The following DNAH6 variants were observed in gnomAD, a reference collection of about 807,000 sequenced individuals.
DNAH6 encodes dynein axonemal heavy chain 6, also known as axonemal beta dynein heavy chain 6.
Under a neutral mutation model 491.4 loss-of-function variants are expected in DNAH6, and 340 were observed. The ratio of observed to expected loss-of-function variants is 0.69; its 90% CI spans 0.63 to 0.76. DNAH6 has a LOEUF of 0.76. Among genes scored for constraint, DNAH6 ranks in the 30% least tolerant of loss-of-function variants. The pLI is 0.00. For synonymous variants in DNAH6, 1,603 were observed against 1,686.1 expected, an observed-to-expected ratio of 0.95 and a Z score of 1.21; for missense variants, 4,443 against 4,972.2, an observed-to-expected ratio of 0.89 and a Z score of 3.20.
In DNAH6 at chr2:84,636,463, C is replaced by A. The variant is rs562498522; in HGVS notation, c.4654-747C>A. On this transcript the variant is annotated intron_variant, in intron 30 of 76. Transcript: ENST00000389394. Reference sequence around the variant, plus strand: ...GTGTTGCACTGTGTGGTCATGGTTTCCAGGTTGATTGCAGACAGCAAGCCT... The same window carrying A: ...GTGTTGCACTGTGTGGTCATGGTTTACAGGTTGATTGCAGACAGCAAGCCT... 2.0e-5 allele frequency among the ~76,000 whole-genome samples: 3 copies of A among 152,292 alleles called. No homozygotes were observed. The South Asian group carries it at 6.2e-4, about 32-fold the overall frequency.
chr2:84,658,878 C>T (rs554334162), intron 36 of DNAH6, 148 bp from the exon 37 acceptor site: 22 of 487,224 alleles, frequency 4.5e-5, no homozygotes, highest in African/African-American at 4.0e-4. Flanking sequence ...CTCTGTGAAC[C>T]ATTGAGTGAA....
intron 43 of DNAH6, among the ~76,000 whole-genome samples, chr2:84,686,118 G>A (rs888691674): frequency 3.3e-5 from 5 of 151,880 alleles, no homozygotes; most frequent in African/African-American, 7.3e-5. Flanking sequence ...AACCCAGGAG[G>A]CGGAGGTTGC....
intron 11 of DNAH6, among the ~76,000 whole-genome samples, chr2:84,559,586 T>C (rs1367089233): frequency 6.6e-6 from 1 of 152,154 alleles, no homozygotes; most frequent in Non-Finnish European, 1.5e-5. Flanking sequence ...CCAACTCTTT[T>C]CCTGTTACCA....
chr2:84,668,858 ATG>A (rs1692442531), intron 37 of DNAH6, among the ~76,000 whole-genome samples: 1 of 33,396 alleles, frequency 3.0e-5, no homozygotes, highest in Non-Finnish European at 8.1e-5. Context: ...GTGTGTGTGT[ATG>A]ATTGTAATAA....
chr2:84,515,313 T>C (rs1675517947), upstream of DNAH6, among the ~76,000 whole-genome samples: 1 of 152,202 alleles, frequency 6.6e-6, no homozygotes, highest in South Asian at 2.1e-4. Context: ...AGTTTCTCAT[T>C]AGGGATTGGG....
intron 33 of DNAH6, among the ~76,000 whole-genome samples, 175 bp downstream of exon 33, chr2:84,642,229 A>G (rs1430349915): frequency 6.6e-6 from 1 of 152,240 alleles, no homozygotes; most frequent in Non-Finnish European, 1.5e-5. Flanking sequence ...AAGTTTGGGC[A>G]TAATTACAAT....
At chr2:84,589,232 T>G in intron 16 of DNAH6, among the ~76,000 whole-genome samples, 1 of 152,228 alleles carries the variant, frequency 6.6e-6, no homozygotes, top group Non-Finnish European at 1.5e-5. Flanking sequence ...TATGTTAAAA[T>G]GTAAGTGGAT....
Position 84,812,521 on chromosome 2 carries a change from G to A in DNAH6, c.11920G>A (p.Val3974Met). The change falls in exon 73 of 77, where the codon GTG becomes ATG. Residue 3974 changes from valine (V) to methionine (M), a missense_variant. This residue lies in a region of DNAH6 where 1,463 missense variants were observed against 1,656.6 expected (regional missense o/e 0.88). Transcript: ENST00000389394. ...VKDLILRTSF[V>M]DLWLKRGQPK... ...AGACCTTATCCTGAGGACCTCATTT[G>A]TGGATGTAAGAAAATTCCTTTCACT... is the stretch of plus-strand genomic sequence containing the variant. The A allele has an allele frequency of 6.5e-7, 1 of 1,546,424 alleles. No homozygotes were observed. Among genetic ancestry groups the A allele is most frequent in the Non-Finnish European group, 8.7e-7 (1 of 1,145,496 alleles).
intron 62 of DNAH6, 33 bp from the exon 63 acceptor site, chr2:84,745,046 TA>T: frequency 7.5e-7 from 1 of 1,333,058 alleles, no homozygotes; most frequent in Non-Finnish European, 1.0e-6. Context: ...AAAACAAATC[TA>T]ATTAAATTAT....
In DNAH6 at chr2:84,701,286, C is replaced by T. The variant is rs1558930490; in HGVS notation, c.8008C>T (p.Leu2670Phe). ...CACGACACCCACCTCCTACCTGGAG[C>T]TTATCAATCTTTACCTGTCTATGCT... ...YYTTPTSYLE[L>F]INLYLSMLSE... Residue 2670 changes from leucine to phenylalanine, a missense_variant, in exon 49 of 77, where the codon CTT becomes TTT. Physicochemically the swap from Leu to Phe is conservative, Grantham distance 22. Around this residue, in one of 3 missense-constraint regions of DNAH6, gnomAD observed 2,977 missense variants for 3,296.6 expected, o/e 0.90. Coordinates refer to ENST00000389394, the MANE Select transcript of DNAH6 (RefSeq NM_001370.2). 5 of 1,551,862 alleles carry T rather than the reference C, an allele frequency of 3.2e-6. No homozygotes were observed. In the Admixed American group the frequency reaches 7.8e-5, roughly 24 times the overall value.
At chr2:84,690,163 GT>G (rs139716650) in intron 45 of DNAH6, among the ~76,000 whole-genome samples, 5,620 of 152,216 alleles carry the variant, frequency 0.037, 117 homozygotes, top group Middle Eastern at 0.088. Context: ...CATGGCTTTG[GT>G]TTTTTTCCTG....
chr2:84,503,445 T>TA, the DNAH6 span, among the ~76,000 whole-genome samples: 2 of 152,162 alleles, frequency 1.3e-5, no homozygotes, highest in Non-Finnish European at 2.9e-5. Flanking sequence ...ACACCACAGT[T>TA]ACAGTGTTAT....
intron 8 of DNAH6, among the ~76,000 whole-genome samples, 162 bp from the exon 9 acceptor site, chr2:84,549,727 A>T (rs891618238): frequency 6.6e-6 from 1 of 152,162 alleles, no homozygotes; most frequent in East Asian, 1.9e-4. Flanking sequence ...TCTAAGGACA[A>T]CTCTTCTGGA....
chr2:84,529,666 A>G (rs935194974), intron 4 of DNAH6, among the ~76,000 whole-genome samples: 1 of 152,208 alleles, frequency 6.6e-6, no homozygotes, highest in Non-Finnish European at 1.5e-5. Flanking sequence ...ATTGGAAGTC[A>G]CATAATTGTG....
At chr2:84,778,082 T>A in intron 64 of DNAH6, 1 of 873,986 alleles carries the variant, frequency 1.1e-6, no homozygotes, top group Non-Finnish European at 2.0e-6. Context: ...CTTCAGTTTA[T>A]CTTCCAGTTA....
chr2:84,548,807 C>T (rs145156833), intron 8 of DNAH6, among the ~76,000 whole-genome samples: 1 of 152,188 alleles, frequency 6.6e-6, no homozygotes, highest in Admixed American at 6.5e-5. Flanking sequence ...AGGCCAAGAG[C>T]TCCTCTTTGA....
At chr2:84,471,065 G>A in the DNAH6 span, among the ~76,000 whole-genome samples, 1 of 152,144 alleles carries the variant, frequency 6.6e-6, no homozygotes, top group East Asian at 1.9e-4. Flanking sequence ...AGGAGCCTGG[G>A]AGGGCTAGAA....
rs1695496551 is a variant in DNAH6, at chr2:84,697,434, A to G, written c.7525-141A>G. 20 of 905,356 alleles carry G rather than the reference A, an allele frequency of 2.2e-5. No individual in the cohort carries two copies. The South Asian group carries it at 3.7e-4, about 17-fold the overall frequency. 56.1% of individuals were successfully genotyped at this position (905,356 alleles called of 1,614,324 possible). On this transcript the variant is annotated intron_variant, in intron 46 of 76. Coordinates refer to ENST00000389394, the MANE Select transcript of DNAH6 (RefSeq NM_001370.2). Reference sequence around the variant, plus strand: ...AAATCAGTGTACTTGCTATGTTAGAACTTCAGGGTTCCATGAAATTTTTAA... The same window carrying G: ...AAATCAGTGTACTTGCTATGTTAGAGCTTCAGGGTTCCATGAAATTTTTAA...
chr2:84,742,656 C>A (rs974937650), intron 62 of DNAH6, among the ~76,000 whole-genome samples: 2 of 152,078 alleles, frequency 1.3e-5, no homozygotes, highest in Admixed American at 1.3e-4. Context: ...CCAGCTTTTT[C>A]TTTGCTTCCT....
Sources: gnomAD v4.1 joint callset for allele counts (sites outside exome capture counted in the v4.1 genomes callset) on GRCh38, gnomAD v4.1.1 for gene constraint, gnomAD v4.1.1 regional missense constraint, MANE v1.5 for transcripts, NCBI Gene and HGNC (gene_info 2026-07-23, HGNC 2026-07-21) for gene names.